The following SLC34A2 variants were observed in gnomAD, a reference collection of about 807,000 sequenced individuals.
The protein encoded by SLC34A2 is sodium-dependent phosphate transport protein 2B.
SLC34A2 carries 41 observed loss-of-function variants against 50.8 expected under a neutral mutation model. The ratio of observed to expected loss-of-function variants is 0.81; its 90% CI spans 0.63 to 1.05. SLC34A2 has a LOEUF of 1.05. SLC34A2 is among the 50% of genes least tolerant of loss of function. SLC34A2 has a pLI of 0.00. For synonymous variants in SLC34A2, 401 were observed against 364.2 expected, an observed-to-expected ratio of 1.10 and a Z score of -1.15; for missense variants, 879 against 876.7, an observed-to-expected ratio of 1.00 and a Z score of -0.03.
chr4:25,671,777 A>G (rs1019243458), intron 9 of SLC34A2, 56 bp downstream of exon 9: 13 of 1,613,062 alleles, frequency 8.1e-6, no homozygotes, highest in South Asian at 2.2e-5. Flanking sequence ...GGGGTGACCT[A>G]TTTATCCGTG....
At position 25,674,551 on chromosome 4, in the gene SLC34A2, C is replaced by A. The variant is rs1474797710; in HGVS notation, c.1380C>A (p.Gly460=). Residue 460 remains glycine (G), a synonymous_variant, in exon 12 of 13, where the codon GGC becomes GGA. Coordinates refer to ENST00000382051, the MANE Select transcript of SLC34A2 (RefSeq NM_006424.3). ...TIERAYPLTL[G]SNIGTTTTAI... ...AGAGGGCTTATCCACTCACGCTGGG[C>A]TCCAACATCGGCACCACCACCACCG... The A allele has an allele frequency of 6.2e-7, 1 of 1,614,214 alleles. No individual in the cohort carries two copies. The highest frequency in any genetic ancestry group is 8.5e-7 in the Non-Finnish European group (1 of 1,180,044).
At chr4:25,663,904 T>C (rs889250876) in intron 3 of SLC34A2, among the ~76,000 whole-genome samples, 2 of 152,190 alleles carry the variant, frequency 1.3e-5, no homozygotes, top group African/African-American at 2.4e-5. Context: ...CAGCTGAGCA[T>C]GGAGCCTGGT....
chr4:25,665,357 G>A (rs1337720993), intron 4 of SLC34A2, among the ~76,000 whole-genome samples: 1 of 151,884 alleles, frequency 6.6e-6, no homozygotes, highest in Admixed American at 6.6e-5. Flanking sequence ...AGTAGAGACG[G>A]GGTTTCTCCG....
At position 25,669,754 on chromosome 4, in the gene SLC34A2, T is replaced by C. The variant is rs766475578; in HGVS notation, c.743T>C (p.Ile248Thr). ...THYLEIITQL[I>T]VESFHFKNGE... is the part of the protein sequence containing the mutation. ...TACCTCGAGATCATAACCCAGCTTA[T>C]AGTGGAGAGCTTCCACTTCAAGAAT... The change falls in exon 7 of 13, where the codon ATA becomes ACA. Residue 248 changes from isoleucine to threonine, a missense_variant. Ile to Thr is a moderately conservative substitution (Grantham distance 89). Coordinates refer to ENST00000382051, the MANE Select transcript of SLC34A2 (RefSeq NM_006424.3). The C allele has an allele frequency of 4.3e-6, 7 of 1,613,988 alleles. No individual in the cohort carries two copies. The highest frequency in any genetic ancestry group is 1.6e-4 in the Middle Eastern group (1 of 6,084).
intron 12 of SLC34A2, 126 bp downstream of exon 12, chr4:25,674,755 G>A: frequency 1.6e-6 from 2 of 1,230,508 alleles, no homozygotes; most frequent in Non-Finnish European, 1.1e-6. Context: ...ATATGTGGAG[G>A]GGAAGCCACG....
Position 25,674,608 on chromosome 4 carries a change from T to C in SLC34A2, c.1437T>C (p.Asn479=). The part of the protein sequence containing the change: ...AILAALASPG[N]ALRSSLQIAL... Reference sequence around the variant, plus strand: ...TGGCCGCCTTAGCCAGCCCTGGCAATGCATTGAGGAGTTCACTCCAGGTCA... The same window carrying C: ...TGGCCGCCTTAGCCAGCCCTGGCAACGCATTGAGGAGTTCACTCCAGGTCA... The change falls in exon 12 of 13, where the codon AAT becomes AAC. Residue 479 remains asparagine (N), a synonymous_variant. Coordinates refer to ENST00000382051, the MANE Select transcript of SLC34A2 (RefSeq NM_006424.3). 6.2e-7 allele frequency: 1 copy of C among 1,614,198 alleles called. No individual in the cohort carries two copies. Among genetic ancestry groups the C allele is most frequent in the Non-Finnish European group, 8.5e-7 (1 of 1,180,040 alleles).
chr4:25,666,844 C>A (rs1464641209), intron 5 of SLC34A2: 1 of 152,956 alleles, frequency 6.5e-6, no homozygotes, highest in African/African-American at 2.4e-5. Context: ...ATAATTGCTG[C>A]AGCTACGTTG....
intron 5 of SLC34A2, among the ~76,000 whole-genome samples, chr4:25,667,645 C>T (rs1714570296): frequency 6.6e-6 from 1 of 152,226 alleles, no homozygotes; most frequent in Admixed American, 6.5e-5. Context: ...CAGTGGGTGC[C>T]TCCTGGTCTC....
rs753513670 is a variant in SLC34A2, at chr4:25,673,267, C to A, written c.1216+13C>A. 1 of 1,546,760 alleles carries A rather than the reference C, an allele frequency of 6.5e-7. No homozygotes were observed. The highest frequency in any genetic ancestry group is 8.7e-7 in the Non-Finnish European group (1 of 1,155,916). On this transcript the variant is annotated intron_variant, in intron 10 of 12. Transcript: ENST00000382051. ...ACCATCAACACTGGTAGGTACACTG[C>A]CCTCACTTGTAGGCCTCACATGTAG...
intron 1 of SLC34A2, among the ~76,000 whole-genome samples, chr4:25,660,897 A>G (rs1421469607): frequency 6.6e-6 from 1 of 152,126 alleles, no homozygotes; most frequent in Admixed American, 6.6e-5. Context: ...TTTTCTGTGA[A>G]TTGCCTTTCT....
chr4:25,670,837 C>A lies in SLC34A2; in HGVS notation c.927+4C>A. The A allele has an allele frequency of 2.5e-6, 4 of 1,610,332 alleles. No individual in the cohort carries two copies. In the East Asian group the frequency reaches 8.9e-5, roughly 36 times the overall value. Reference sequence around the variant, plus strand: ...GTGCAAAACTTTTACCAACAAGGTACGTTTCCAAGAATATTCCCGGGGCGG... The same window carrying A: ...GTGCAAAACTTTTACCAACAAGGTAAGTTTCCAAGAATATTCCCGGGGCGG... On this transcript the variant is annotated splice_donor_region_variant and intron_variant, in intron 8 of 12. Coordinates refer to ENST00000382051, the MANE Select transcript of SLC34A2 (RefSeq NM_006424.3).
chr4:25,664,229 G>A lies in SLC34A2; in HGVS notation c.278G>A (p.Cys93Tyr). ...AGAGACACCAAAGGGAAGATTCTCT[G>A]TTTCTTCCAAGGGATTGGGAGATTG... ...SERDTKGKIL[C>Y]FFQGIGRLIL... The change falls in exon 4 of 13, where the codon TGT becomes TAT. Residue 93 changes from cysteine to tyrosine, a missense_variant. Transcript: ENST00000382051. The A allele has an allele frequency of 6.2e-7, 1 of 1,611,784 alleles. No individual in the cohort carries two copies. The highest frequency in any genetic ancestry group is 8.5e-7 in the Non-Finnish European group (1 of 1,178,840).
At chr4:25,668,851 T>A in intron 6 of SLC34A2, among the ~76,000 whole-genome samples, 1 of 151,210 alleles carries the variant, frequency 6.6e-6, no homozygotes, top group East Asian at 1.9e-4. Flanking sequence ...TCAAAAAGGT[T>A]AATGTGAAAA....
rs538449848 is a variant in SLC34A2 at position 25,676,408 on chromosome 4, C to G, written c.1732C>G (p.Arg578Gly). ...ACTGTGCCTCCGACTCCTGCAGTCT[C>G]GCTGCCCACGCGTCCTGCCGAAGAA... ...LVLCLRLLQSRCPRVLPKKLQ... is the reference protein window; with the variant it reads ...LVLCLRLLQSGCPRVLPKKLQ... The change falls in exon 13 of 13, where the codon CGC becomes GGC. Residue 578 changes from arginine to glycine, a missense_variant. Physicochemically the swap from Arg to Gly is moderately radical, Grantham distance 125. Coordinates refer to ENST00000382051, the MANE Select transcript of SLC34A2 (RefSeq NM_006424.3). 1 of 1,614,028 alleles carries G rather than the reference C, an allele frequency of 6.2e-7. No homozygotes were observed. The highest frequency in any genetic ancestry group is 2.2e-5 in the East Asian group (1 of 44,866).
intron 1 of SLC34A2, among the ~76,000 whole-genome samples, chr4:25,657,833 C>T (rs1378388182): frequency 6.6e-6 from 1 of 152,188 alleles, no homozygotes; most frequent in Non-Finnish European, 1.5e-5. Context: ...GTTCAAGGGA[C>T]TCTCCCACTT....
At chr4:25,658,657 C>G (rs571408481) in intron 1 of SLC34A2, among the ~76,000 whole-genome samples, 50 of 152,312 alleles carry the variant, frequency 3.3e-4, no homozygotes, top group African/African-American at 1.2e-3. Flanking sequence ...ACAGGCAACT[C>G]GGTTATAGAG....
chr4:25,661,335 A>G (rs1714171484), intron 1 of SLC34A2, among the ~76,000 whole-genome samples: 1 of 152,178 alleles, frequency 6.6e-6, no homozygotes, highest in African/African-American at 2.4e-5. Flanking sequence ...CACTCTTTTC[A>G]CAGAAGGCCT....
intron 9 of SLC34A2, among the ~76,000 whole-genome samples, chr4:25,672,828 C>G (rs1285909264): frequency 6.6e-6 from 1 of 152,068 alleles, no homozygotes; most frequent in Non-Finnish European, 1.5e-5. Flanking sequence ...GCTGAGTCTA[C>G]CCCTGAACAG....
At chr4:25,667,650 G>C (rs1240157943) in intron 5 of SLC34A2, among the ~76,000 whole-genome samples, 1 of 152,210 alleles carries the variant, frequency 6.6e-6, no homozygotes. Context: ...GGTGCCTCCT[G>C]GTCTCCTTCA....
Sources: allele counts gnomAD v4.1 joint callset (sites outside exome capture counted in the v4.1 genomes callset), GRCh38; gene constraint gnomAD v4.1.1; transcripts MANE v1.5; gene names NCBI Gene and HGNC (gene_info 2026-07-23, HGNC 2026-07-21).